SPPL2A: variants seen among roughly 807,000 people sequenced by gnomAD.
SPPL2A encodes signal peptide peptidase-like 2A.
Under a neutral mutation model 63.8 loss-of-function variants are expected in SPPL2A, and 51 were observed. That is an observed-to-expected ratio of 0.80 (90% CI 0.64 to 1.01). SPPL2A has a LOEUF of 1.01. Ranked by LOEUF, SPPL2A falls within the 50% of genes least tolerant of loss-of-function variation. SPPL2A has a pLI of 0.00. For synonymous variants in SPPL2A, 188 were observed against 205.8 expected, an observed-to-expected ratio of 0.91 and a Z score of 0.74; for missense variants, 553 against 622.7, an observed-to-expected ratio of 0.89 and a Z score of 1.19.
Position 50,715,000 on chromosome 15 carries a change from G to GT in SPPL2A, c.1488+4939dup, listed in dbSNP as rs563526076. 3.5e-3 allele frequency among the ~76,000 whole-genome samples: 521 copies of GT among 149,826 alleles called. 3 individuals carry two copies. The highest frequency in any genetic ancestry group is 0.012 in the African/African-American group (473 of 40,882). On this transcript the variant is annotated intron_variant, in intron 14 of 14. Transcript: ENST00000261854. ...TGATTTTTAAGAAGTTTTTTTTGGT[G>GT]TTTTTTTTTGTTTAGACTGTGTCAC... is the stretch of plus-strand genomic sequence containing the variant.
intron 1 of SPPL2A, among the ~76,000 whole-genome samples, chr15:50,755,781 T>C (rs1234981824): frequency 2.0e-5 from 3 of 151,958 alleles, no homozygotes; most frequent in African/African-American, 7.2e-5. Flanking sequence ...TGAGAACCAC[T>C]GCTATAGGAG....
At chr15:50,747,036 T>C (rs906904179) in intron 5 of SPPL2A, among the ~76,000 whole-genome samples, 2 of 152,086 alleles carry the variant, frequency 1.3e-5, no homozygotes, top group Admixed American at 6.6e-5. Context: ...AGCCTTGAAA[T>C]AAATCTTGAC....
At chr15:50,718,276 T>C (rs2062615522) in intron 14 of SPPL2A, among the ~76,000 whole-genome samples, 1 of 152,086 alleles carries the variant, frequency 6.6e-6, no homozygotes, top group African/African-American at 2.4e-5. Context: ...CGCGACCGGC[T>C]AGACTGTAAC....
chr15:50,716,185 ATATTTT>A (rs1324758179), intron 14 of SPPL2A, among the ~76,000 whole-genome samples: 8 of 152,104 alleles, frequency 5.3e-5, no homozygotes, highest in Non-Finnish European at 1.2e-4. Flanking sequence ...CTATAATCAC[ATATTTT>A]TATTTTTATT....
chr15:50,726,182 A>G (rs1277098038), intron 11 of SPPL2A, 139 bp downstream of exon 11: 12 of 1,485,474 alleles, frequency 8.1e-6, no homozygotes, highest in Non-Finnish European at 1.1e-5. Flanking sequence ...CTAAGAAAAG[A>G]GCTATATTTT....
intron 1 of SPPL2A, among the ~76,000 whole-genome samples, chr15:50,762,402 A>G (rs187774387): frequency 9.3e-4 from 141 of 152,102 alleles, no homozygotes; most frequent in Non-Finnish European, 1.3e-3. Flanking sequence ...AAAAAATAAA[A>G]TGTACTTATG....
intron 14 of SPPL2A, among the ~76,000 whole-genome samples, chr15:50,710,296 C>T (rs1429735724): frequency 6.6e-6 from 1 of 152,118 alleles, no homozygotes; most frequent in African/African-American, 2.4e-5. Context: ...GAGTCAGTCC[C>T]ATCTAACTTG....
chr15:50,750,650 C>T (rs2062898476), intron 1 of SPPL2A, among the ~76,000 whole-genome samples: 1 of 152,002 alleles, frequency 6.6e-6, no homozygotes, highest in Non-Finnish European at 1.5e-5. Flanking sequence ...GAAAGAAAAG[C>T]CAAGAGGTAA....
intron 1 of SPPL2A, among the ~76,000 whole-genome samples, chr15:50,751,749 G>C (rs1234299642): frequency 4.6e-5 from 7 of 152,102 alleles, no homozygotes; most frequent in Non-Finnish European, 8.8e-5. Flanking sequence ...TATCATACTA[G>C]GGATTACAAA....
intron 14 of SPPL2A, among the ~76,000 whole-genome samples, chr15:50,717,712 T>C (rs940945431): frequency 6.6e-6 from 1 of 152,166 alleles, no homozygotes; most frequent in African/African-American, 2.4e-5. Context: ...GTTTCTAGCA[T>C]GTGCCATGTT....
At chr15:50,736,549 A>G in intron 7 of SPPL2A, 95 bp downstream of exon 7, 1 of 675,580 alleles carries the variant, frequency 1.5e-6, no homozygotes, top group Non-Finnish European at 2.5e-6. Context: ...TCCAATGTAT[A>G]TTGGACTATA....
rs201316053 is a variant in SPPL2A at position 50,748,096 on chromosome 15, T to C, written c.450+17A>G. 192 of 1,033,384 alleles carry C rather than the reference T, an allele frequency of 1.9e-4. No individual in the cohort carries two copies. The African/African-American group carries it at 3.0e-3, about 16-fold the overall frequency. 64.0% of individuals were successfully genotyped at this position (1,033,384 alleles called of 1,614,324 possible). A position where few individuals can be genotyped will look rare whatever the true frequency, so the allele number is the denominator to read the frequency against. The stretch of plus-strand genomic sequence containing the variant: ...CAGTATTTATAAACTTTATCTAATA[T>C]GTAATTGCTAATTTACCTGGTTCAT... On this transcript the variant is annotated intron_variant, in intron 4 of 14. Coordinates refer to ENST00000261854, the MANE Select transcript of SPPL2A (RefSeq NM_032802.4).
chr15:50,715,458 C>T (rs1031912280), intron 14 of SPPL2A, among the ~76,000 whole-genome samples: 3 of 152,120 alleles, frequency 2.0e-5, no homozygotes, highest in Non-Finnish European at 4.4e-5. Flanking sequence ...AAAAAATGTG[C>T]TGTAGAATAT....
At chr15:50,729,570 A>C (rs1368363119) in intron 10 of SPPL2A, among the ~76,000 whole-genome samples, 1 of 152,180 alleles carries the variant, frequency 6.6e-6, no homozygotes, top group East Asian at 1.9e-4. Flanking sequence ...GCAGTAAGTC[A>C]TAATTGAGCC....
intron 11 of SPPL2A, 41 bp from the exon 12 acceptor site, chr15:50,725,364 A>C: frequency 9.1e-7 from 1 of 1,093,176 alleles, no homozygotes; most frequent in Non-Finnish European, 1.4e-6. Flanking sequence ...ACAAAACAAA[A>C]AACAAAACAG....
At chr15:50,736,917 T>C (rs990137242) in intron 6 of SPPL2A, among the ~76,000 whole-genome samples, 177 bp from the exon 7 acceptor site, 3 of 151,994 alleles carry the variant, frequency 2.0e-5, no homozygotes, top group African/African-American at 7.2e-5. Context: ...GTTTTTTGTT[T>C]TTTTTTCTGA....
chr15:50,719,069 T>C (rs1446455448), intron 14 of SPPL2A, among the ~76,000 whole-genome samples: 4 of 151,926 alleles, frequency 2.6e-5, no homozygotes, highest in African/African-American at 9.7e-5. Context: ...ACCAAGAACA[T>C]TTAGGGGGAA....
rs1199942041 is a variant in SPPL2A at position 50,758,246 on chromosome 15, G to A, written c.66+7222C>T. Among the ~76,000 whole-genome samples, 15 of 146,648 alleles carry A rather than the reference G, an allele frequency of 1.0e-4. 1 individual carries two copies. Among genetic ancestry groups the A allele is most frequent in the African/African-American group, 3.8e-4 (15 of 39,734 alleles). ...GGAGCTTGCAGTGAGCTGAGATGGC[G>A]TCACTGCACTCCAGCCTGGGCGACA... On this transcript the variant is annotated intron_variant, in intron 1 of 14. Coordinates refer to ENST00000261854, the MANE Select transcript of SPPL2A (RefSeq NM_032802.4).
At chr15:50,763,225 C>T (rs1205777812) in intron 1 of SPPL2A, among the ~76,000 whole-genome samples, 1 of 151,902 alleles carries the variant, frequency 6.6e-6, no homozygotes, top group East Asian at 1.9e-4. Flanking sequence ...AACTAGGTAT[C>T]CAGAAAGGAG....
Sources: allele counts gnomAD v4.1 joint callset (sites outside exome capture counted in the v4.1 genomes callset), GRCh38; gene constraint gnomAD v4.1.1; transcripts MANE v1.5; gene names NCBI Gene and HGNC (gene_info 2026-07-23, HGNC 2026-07-21).